The following DNM3 variants were observed in gnomAD, a reference collection of about 807,000 sequenced individuals.
DNM3 encodes the protein dynamin 3, also known as dynamin-3.
In DNM3, 47 loss-of-function variants were observed where a neutral mutation model predicts 101.6. The observed-to-expected ratio is 0.46, with a 90% CI of 0.37 to 0.59. DNM3 has a LOEUF of 0.59. DNM3 is among the 20% of genes least tolerant of loss of function. DNM3 has a pLI of 0.00. For synonymous variants in DNM3, 385 were observed against 387.9 expected (o/e 0.99, Z 0.09); for missense variants, 849 against 1,085.7 (o/e 0.78, Z 3.06).
At chr1:172,212,738 A>G (rs1040442993) in intron 14 of DNM3, among the ~76,000 whole-genome samples, 5 of 152,154 alleles carry the variant, frequency 3.3e-5, no homozygotes, top group African/African-American at 9.7e-5. Flanking sequence ...GTATATCACA[A>G]GGAAAGATCA....
In DNM3 at chr1:172,086,807, A is replaced by C. The variant is rs1265841059; in HGVS notation, c.1493+4905A>C. Among the ~76,000 whole-genome samples the C allele has an allele frequency of 5.3e-5, 8 of 152,122 alleles. 1 individual carries two copies. The South Asian group carries it at 1.5e-3, about 28-fold the overall frequency. ...CTTTACTCTATAGCACTGTTGCACA[A>C]TAGAAGTTTCTGAGATGATGGAACT... On this transcript the variant is annotated intron_variant, in intron 12 of 20. Transcript: ENST00000627582.
intron 20 of DNM3, among the ~76,000 whole-genome samples, chr1:172,403,478 T>C (rs752689031): frequency 1.3e-5 from 2 of 152,134 alleles, no homozygotes; most frequent in Non-Finnish European, 1.5e-5. Context: ...TTTTAGTTCT[T>C]CTGTTCTTAA....
intron 16 of DNM3, among the ~76,000 whole-genome samples, chr1:172,319,866 G>A (rs1370837265): frequency 2.6e-5 from 4 of 152,114 alleles, no homozygotes; most frequent in Non-Finnish European, 5.9e-5. Flanking sequence ...ATTTGACCCA[G>A]CCATCCCATT....
chr1:172,121,545 A>G (rs887070674), intron 13 of DNM3, among the ~76,000 whole-genome samples: 5 of 152,254 alleles, frequency 3.3e-5, no homozygotes, highest in Admixed American at 3.3e-4. Flanking sequence ...GTGCTTTTGC[A>G]GGGCAGAATG....
chr1:172,170,814 C>T (rs1422229362), intron 14 of DNM3, among the ~76,000 whole-genome samples: 3 of 151,754 alleles, frequency 2.0e-5, no homozygotes, highest in Non-Finnish European at 4.4e-5. Flanking sequence ...CTGACTGGTG[C>T]ATTGCACCTT....
intron 20 of DNM3, among the ~76,000 whole-genome samples, chr1:172,407,001 G>C (rs2070942292): frequency 6.6e-6 from 1 of 151,904 alleles, no homozygotes; most frequent in African/African-American, 2.4e-5. Flanking sequence ...AATAAATGTA[G>C]AAGCTTGAGG....
intron 14 of DNM3, among the ~76,000 whole-genome samples, chr1:172,160,707 T>C (rs1287336205): frequency 6.6e-6 from 1 of 152,080 alleles, no homozygotes; most frequent in African/African-American, 2.4e-5. Flanking sequence ...CATTCTAAAA[T>C]AATGAGAGAT....
In DNM3 at chr1:172,054,972, C is replaced by A. The variant is rs116620497; in HGVS notation, c.1335+6222C>A. On this transcript the variant is annotated intron_variant, in intron 10 of 20. Transcript: ENST00000627582. The stretch of plus-strand genomic sequence containing the variant: ...GAGACTCCATTTCCCCCCCGCCCCC[C>A]CAAATAAAGAAAAAGAAATACAGGG... Among the ~76,000 whole-genome samples, 13 of 148,426 alleles carry A rather than the reference C, an allele frequency of 8.8e-5. 1 individual carries two copies. The highest frequency in any genetic ancestry group is 1.3e-4 in the Admixed American group (2 of 14,916).
downstream of DNM3, among the ~76,000 whole-genome samples, chr1:172,415,857 A>T (rs1298644739): frequency 6.6e-6 from 1 of 152,140 alleles, no homozygotes; most frequent in African/African-American, 2.4e-5. Flanking sequence ...ACAGAAAAGA[A>T]AAAAGCTATA....
chr1:172,026,572 A>G (rs1412376283), intron 4 of DNM3, among the ~76,000 whole-genome samples: 1 of 152,128 alleles, frequency 6.6e-6, no homozygotes, highest in African/African-American at 2.4e-5. Flanking sequence ...ATCGGGTTAC[A>G]CAGAAAAGAG....
At chr1:172,414,648 T>G (rs905878302), downstream of DNM3, among the ~76,000 whole-genome samples, 4 of 151,894 alleles carry the variant, frequency 2.6e-5, no homozygotes, top group African/African-American at 9.7e-5. Context: ...TAACAAAAAG[T>G]TGGATGATAA....
intron 4 of DNM3, among the ~76,000 whole-genome samples, chr1:171,990,887 G>A (rs559716806): frequency 1.9e-4 from 29 of 152,186 alleles, no homozygotes; most frequent in Non-Finnish European, 2.6e-4. Flanking sequence ...CCTTTACAGC[G>A]TCAGTGGCTT....
intron 13 of DNM3, among the ~76,000 whole-genome samples, chr1:172,116,893 A>G (rs2055938753): frequency 6.6e-6 from 1 of 152,082 alleles, no homozygotes; most frequent in East Asian, 1.9e-4. Flanking sequence ...ACCCTGCCTC[A>G]ACCCCATCAG....
intron 16 of DNM3, among the ~76,000 whole-genome samples, chr1:172,321,370 C>G (rs1039114090): frequency 6.6e-6 from 1 of 152,120 alleles, no homozygotes; most frequent in African/African-American, 2.4e-5. Flanking sequence ...GCATTTTCAG[C>G]AAAACTTAGA....
Position 171,989,085 on chromosome 1 carries a change from C to T in DNM3, c.526C>T (p.Pro176Ser). 1 of 1,613,114 alleles carries T rather than the reference C, an allele frequency of 6.2e-7. No homozygotes were observed. The highest frequency in any genetic ancestry group is 8.5e-7 in the Non-Finnish European group (1 of 1,179,466). The change falls in exon 4 of 21, where the codon CCA (proline) becomes TCA (serine). Residue 176 changes from proline to serine, a missense_variant. By Grantham distance (74) the Pro-to-Ser change is moderately conservative. Around this residue, in one of 5 missense-constraint regions of DNM3, gnomAD observed 388 missense variants for 483.0 expected, o/e 0.80. Transcript: ENST00000627582. ...RENCLILAVT[P>S]ANTDLANSDA... ...GAACTGTCTGATTTTAGCTGTTACT[C>T]CAGCCAACACTGATCTTGCAAACTC...
rs199500780 is a variant in DNM3, at chr1:172,312,903, A to T, written c.1881+4064A>T. Among the ~76,000 whole-genome samples the T allele has an allele frequency of 5.9e-5, 9 of 152,234 alleles. No homozygotes were observed. In the East Asian group the frequency reaches 1.7e-3, roughly 29 times the overall value. ...CTTTTATTCTCTTTCACCTTTCTGGATCCAAAGCAAAATGTAGAATTTTTG... is the reference window on the plus strand; with the variant it reads ...CTTTTATTCTCTTTCACCTTTCTGGTTCCAAAGCAAAATGTAGAATTTTTG... On this transcript the variant is annotated intron_variant, in intron 16 of 20. Coordinates refer to ENST00000627582, the MANE Select transcript of DNM3 (RefSeq NM_015569.5).
chr1:172,289,995 A>G, intron 15 of DNM3: 2 of 913,890 alleles, frequency 2.2e-6, no homozygotes, highest in Non-Finnish European at 2.6e-6. Flanking sequence ...TTGACATCAT[A>G]GGTTTGATGA....
intron 15 of DNM3, among the ~76,000 whole-genome samples, chr1:172,295,222 C>T (rs2064109652): frequency 6.6e-6 from 1 of 152,210 alleles, no homozygotes; most frequent in East Asian, 1.9e-4. Context: ...ACCAGAAATC[C>T]AGAGAGGCAA....
At chr1:171,987,931 C>T in intron 3 of DNM3, 126 bp downstream of exon 3, 1 of 876,580 alleles carries the variant, frequency 1.1e-6, no homozygotes, top group Non-Finnish European at 1.6e-6. Flanking sequence ...GGATACTGCC[C>T]ATTAATGTTA....
Sources: allele counts gnomAD v4.1 joint callset (sites outside exome capture counted in the v4.1 genomes callset), GRCh38; gene constraint gnomAD v4.1.1; regional missense constraint gnomAD v4.1.1; transcripts MANE v1.5; gene names NCBI Gene and HGNC (gene_info 2026-07-23, HGNC 2026-07-21).